RAB10: variants seen among roughly 807,000 people sequenced by gnomAD.
RAB10 encodes the protein ras-related protein Rab-10.
In RAB10, 5 loss-of-function variants were observed where a neutral mutation model predicts 25.7. The observed-to-expected ratio is 0.19, with a 90% CI of 0.10 to 0.41. The LOEUF (loss-of-function observed/expected upper bound fraction) is 0.41, where lower values mean the gene tolerates loss of function less well. RAB10 is among the 10% of genes least tolerant of loss of function. The pLI is 1.00. For synonymous variants in RAB10, 89 were observed against 86.4 expected (o/e 1.03, Z -0.16); for missense variants, 103 against 245.8 (o/e 0.42, Z 3.89).
intron 1 of RAB10, among the ~76,000 whole-genome samples, chr2:26,083,271 T>C (rs1395736185): frequency 6.6e-6 from 1 of 152,158 alleles, no homozygotes; most frequent in Non-Finnish European, 1.5e-5. Context: ...CTAAATAACC[T>C]ACCTTCTCCA....
At chr2:26,079,935 T>C (rs1462419880) in intron 1 of RAB10, among the ~76,000 whole-genome samples, 3 of 152,150 alleles carry the variant, frequency 2.0e-5, no homozygotes, top group African/African-American at 7.2e-5. Context: ...GCTGGGATTA[T>C]AGATGTGAGC....
intron 1 of RAB10, among the ~76,000 whole-genome samples, chr2:26,052,381 T>G (rs1255862234): frequency 6.6e-6 from 1 of 151,896 alleles, no homozygotes; most frequent in Non-Finnish European, 1.5e-5. Context: ...GTGAGACGCA[T>G]TCTCAAAGAA....
At chr2:26,091,245 A>T (rs561912706) in intron 1 of RAB10, among the ~76,000 whole-genome samples, 1 of 152,184 alleles carries the variant, frequency 6.6e-6, no homozygotes, top group South Asian at 2.1e-4. Context: ...TGAGAGATGA[A>T]TAATAACAGA....
At chr2:26,117,185 G>T (rs1473610431) in intron 3 of RAB10, among the ~76,000 whole-genome samples, 1 of 152,054 alleles carries the variant, frequency 6.6e-6, no homozygotes, top group Admixed American at 6.6e-5. Flanking sequence ...TCCAAGAGGG[G>T]GAGTTATTAT....
chr2:26,033,452 T>C (rs186413564), upstream of RAB10, among the ~76,000 whole-genome samples: 315 of 152,350 alleles, frequency 2.1e-3, no homozygotes, highest in African/African-American at 7.3e-3. Flanking sequence ...TGGCCAGCTT[T>C]TCCATCTCAA....
intron 4 of RAB10, among the ~76,000 whole-genome samples, 183 bp from the exon 5 acceptor site, chr2:26,127,667 G>T (rs538867013): frequency 4.1e-4 from 63 of 152,192 alleles, no homozygotes; most frequent in African/African-American, 1.5e-3. Flanking sequence ...AAACTTTTGG[G>T]GTAAGGAGAT....
chr2:26,097,817 A>G lies in RAB10; in HGVS notation c.128-845A>G, dbSNP rs527860557. On this transcript the variant is annotated intron_variant, in intron 1 of 5. Coordinates refer to ENST00000264710, the MANE Select transcript of RAB10 (RefSeq NM_016131.5). ...GAGGGAAAGGATGTTGAAGTCTCCA[A>G]CTATAATTGTAGGTTTATGTATTTC... 5.9e-5 allele frequency among the ~76,000 whole-genome samples: 9 copies of G among 152,304 alleles called. No individual in the cohort carries two copies. The East Asian group carries it at 1.5e-3, about 26-fold the overall frequency.
At chr2:26,109,324 C>T (rs1268113556) in intron 2 of RAB10, among the ~76,000 whole-genome samples, 1 of 152,178 alleles carries the variant, frequency 6.6e-6, no homozygotes, top group Non-Finnish European at 1.5e-5. Context: ...GAGCAAAATA[C>T]ATCTTACACC....
chr2:26,084,905 A>G (rs2149275073), intron 1 of RAB10, among the ~76,000 whole-genome samples: 1 of 152,244 alleles, frequency 6.6e-6, no homozygotes, highest in South Asian at 2.1e-4. Flanking sequence ...GATTATTTTT[A>G]ATTTGTGATT....
intron 1 of RAB10, among the ~76,000 whole-genome samples, chr2:26,074,081 CTTATA>C (rs1396124614): frequency 6.6e-6 from 1 of 152,086 alleles, no homozygotes; most frequent in Non-Finnish European, 1.5e-5. Flanking sequence ...TGAAAGGCAT[CTTATA>C]TTAAGATCAG....
intron 1 of RAB10, among the ~76,000 whole-genome samples, chr2:26,035,283 C>G (rs1242151931): frequency 1.3e-5 from 2 of 152,156 alleles, no homozygotes; most frequent in Non-Finnish European, 2.9e-5. Context: ...GGAGGCTCTT[C>G]GCGCTTGGGG....
intron 1 of RAB10, among the ~76,000 whole-genome samples, chr2:26,051,761 AAAAAG>A (rs1666139644): frequency 6.7e-6 from 1 of 149,474 alleles, no homozygotes; most frequent in Non-Finnish European, 1.5e-5. Context: ...CTCCAAAAAA[AAAAAG>A]AGTCATTAAG....
rs1465235570 is a variant in RAB10, at chr2:26,137,205, G to A, written c.*2184G>A. On this transcript the variant is annotated 3_prime_UTR_variant, in exon 6 of 6. Coordinates refer to ENST00000264710, the MANE Select transcript of RAB10 (RefSeq NM_016131.5). ...CTAAATATCAAAAAAGGGAAATGAA[G>A]TATAAATCAATTTTTGTATAATCTG... 1.3e-5 allele frequency: 2 copies of A among 152,616 alleles called. No homozygotes were observed. Among genetic ancestry groups the A allele is most frequent in the African/African-American group, 4.8e-5 (2 of 41,438 alleles). 9.5% of individuals were successfully genotyped at this position (152,616 alleles called of 1,614,324 possible).
chr2:26,101,976 A>G (rs1209931132), intron 2 of RAB10: 1 of 152,246 alleles, frequency 6.6e-6, no homozygotes, highest in Non-Finnish European at 1.5e-5. Context: ...TGATCAGGTA[A>G]CCCACCTTGG....
chr2:26,121,392 C>T (rs1488449002), intron 3 of RAB10, among the ~76,000 whole-genome samples: 5 of 152,156 alleles, frequency 3.3e-5, no homozygotes, highest in African/African-American at 7.2e-5. Flanking sequence ...CAGTGTTGCC[C>T]AGGCTGGTCT....
At chr2:26,068,714 C>G (rs1395915834) in intron 1 of RAB10, among the ~76,000 whole-genome samples, 1 of 152,152 alleles carries the variant, frequency 6.6e-6, no homozygotes, top group Non-Finnish European at 1.5e-5. Context: ...GAAATGTGTG[C>G]TTAACTTTAA....
intron 1 of RAB10, among the ~76,000 whole-genome samples, chr2:26,058,849 C>T (rs1204262262): frequency 6.6e-6 from 1 of 152,114 alleles, no homozygotes; most frequent in African/African-American, 2.4e-5. Flanking sequence ...TCTTCCAGTT[C>T]AGATCTACCA....
chr2:26,080,522 T>C (rs537012006), intron 1 of RAB10, among the ~76,000 whole-genome samples: 2 of 152,286 alleles, frequency 1.3e-5, no homozygotes, highest in African/African-American at 4.8e-5. Context: ...GGAAATTCTA[T>C]GCAATACCTA....
At chr2:26,108,213 C>T (rs770939099) in intron 2 of RAB10, among the ~76,000 whole-genome samples, 3 of 152,152 alleles carry the variant, frequency 2.0e-5, no homozygotes, top group African/African-American at 7.2e-5. Flanking sequence ...GAATATTCTT[C>T]GAACTTTGTT....
Sources: allele counts gnomAD v4.1 joint callset (sites outside exome capture counted in the v4.1 genomes callset), GRCh38; gene constraint gnomAD v4.1.1; transcripts MANE v1.5; gene names NCBI Gene and HGNC (gene_info 2026-07-23, HGNC 2026-07-21).